Variants in LIMCH1 observed in about 807,000 individuals in gnomAD.
LIMCH1 encodes the protein LIM and calponin homology domains-containing protein 1.
In LIMCH1, 113 loss-of-function variants were observed where a neutral mutation model predicts 176.5. That is an observed-to-expected ratio of 0.64 (90% CI 0.55 to 0.75). The LOEUF is 0.75. Among genes scored for constraint, LIMCH1 ranks in the 30% least tolerant of loss-of-function variants. LIMCH1 has a pLI of 0.00. For missense variants in LIMCH1, 1,674 were observed against 1,814.9 expected, an observed-to-expected ratio of 0.92 and a Z score of 1.41; for synonymous variants, 619 against 645.9, an observed-to-expected ratio of 0.96 and a Z score of 0.63.
chr4:41,490,431 C>A (rs147590445), intron 1 of LIMCH1, among the ~76,000 whole-genome samples: 1 of 152,028 alleles, frequency 6.6e-6, no homozygotes, highest in Admixed American at 6.5e-5. Context: ...CTGCAGCCTT[C>A]GGCCCTGTTT....
At chr4:41,598,417 C>T (rs2089308398) in intron 1 of LIMCH1, among the ~76,000 whole-genome samples, 1 of 151,186 alleles carries the variant, frequency 6.6e-6, no homozygotes, top group African/African-American at 2.4e-5. Flanking sequence ...GTGTATAATC[C>T]ACAAAGAGGT....
At chr4:41,623,132 G>A (rs1312097829) in intron 7 of LIMCH1, among the ~76,000 whole-genome samples, 3 of 152,148 alleles carry the variant, frequency 2.0e-5, no homozygotes, top group Admixed American at 6.5e-5. Context: ...CTTTTAATGT[G>A]GCAGAAAGTA....
intron 1 of LIMCH1, among the ~76,000 whole-genome samples, chr4:41,471,657 G>A (rs545203386): frequency 2.0e-5 from 3 of 152,300 alleles, no homozygotes; most frequent in African/African-American, 4.8e-5. Context: ...GGATTTGGCC[G>A]TGTCCATGTC....
intron 1 of LIMCH1, among the ~76,000 whole-genome samples, chr4:41,574,200 C>G (rs563319364): frequency 1.1e-4 from 15 of 132,382 alleles, no homozygotes; most frequent in African/African-American, 4.3e-4. Context: ...GTGAAGAGGA[C>G]CATCTTGATT....
chr4:41,549,207 C>T (rs2080036292), intron 1 of LIMCH1, among the ~76,000 whole-genome samples: 1 of 152,016 alleles, frequency 6.6e-6, no homozygotes, highest in African/African-American at 2.4e-5. Flanking sequence ...ATATTAACTA[C>T]CATTTATTTA....
intron 1 of LIMCH1, among the ~76,000 whole-genome samples, chr4:41,370,650 C>G (rs2053821451): frequency 6.6e-6 from 1 of 152,170 alleles, no homozygotes; most frequent in African/African-American, 2.4e-5. Flanking sequence ...AAGCCTGATT[C>G]ATTATGCTGT....
intron 4 of LIMCH1, among the ~76,000 whole-genome samples, chr4:41,607,212 A>G (rs570079992): frequency 2.0e-5 from 3 of 152,236 alleles, no homozygotes; most frequent in Non-Finnish European, 2.9e-5. Flanking sequence ...GTTCCTTGCA[A>G]TTTTTCTTTT....
At chr4:41,486,959 TACACACACACACATAC>T (rs1396638450) in intron 1 of LIMCH1, among the ~76,000 whole-genome samples, 378 of 116,036 alleles carry the variant, frequency 3.3e-3, no homozygotes, top group Non-Finnish European at 4.6e-3. Flanking sequence ...TATATATATA[TACACACACACACATAC>T]ATACACACAC....
Position 41,599,071 on chromosome 4 carries a change from T to G in LIMCH1, c.-134+45T>G, listed in dbSNP as rs765036717. 1.4e-5 allele frequency: 16 copies of G among 1,165,764 alleles called. No individual in the cohort carries two copies. The Admixed American group carries it at 2.8e-4, about 20-fold the overall frequency. The allele number at this position is 1,165,764 out of a possible 1,614,324, so 72.2% of individuals were successfully genotyped here. ...TGTTTAAGGGAAACTCCTTTATAGT[T>G]TGATTTGCAATTTTGTGATGATGTT... On this transcript the variant is annotated intron_variant, in intron 2 of 31. Coordinates refer to ENST00000503057, the MANE Select transcript of LIMCH1 (RefSeq NM_001330672.2).
At position 41,395,309 on chromosome 4, in the gene LIMCH1, T is replaced by G. The variant is rs1581478937; in HGVS notation, c.96+34373T>G. On this transcript the variant is annotated intron_variant, in intron 1 of 26. Transcript: ENST00000313860. ...GGGCAGTGGCGCAATCTCGGCTCAC[T>G]GCAACCTCCACCTCCCGGGTTCAAG... 3.4e-5 allele frequency among the ~76,000 whole-genome samples: 5 copies of G among 148,728 alleles called. No homozygotes were observed. In the South Asian group the frequency reaches 1.1e-3, roughly 33 times the overall value.
chr4:41,651,327 A>G (rs1357924582), intron 18 of LIMCH1, among the ~76,000 whole-genome samples: 1 of 152,048 alleles, frequency 6.6e-6, no homozygotes, highest in Non-Finnish European at 1.5e-5. Context: ...TTTTAGAAGA[A>G]CACCAGTCAT....
At position 41,665,233 on chromosome 4, in the gene LIMCH1, A is replaced by G. The variant is rs532855984; in HGVS notation, c.3292-1328A>G. Among the ~76,000 whole-genome samples, 21 of 152,276 alleles carry G rather than the reference A, an allele frequency of 1.4e-4. No homozygotes were observed. In the South Asian group the frequency reaches 4.4e-3, roughly 32 times the overall value. On this transcript the variant is annotated intron_variant, in intron 20 of 31. Transcript: ENST00000503057. ...CATGCTTACAGGCTTACCTTTTTAC[A>G]TAGCGGTCATTTTGATCATTGCTGA...
At chr4:41,530,171 C>A (rs1399911925) in intron 3 of LIMCH1, among the ~76,000 whole-genome samples, 1 of 152,104 alleles carries the variant, frequency 6.6e-6, no homozygotes, top group Non-Finnish European at 1.5e-5. Context: ...GTAGTGATTT[C>A]CACATTATGA....
chr4:41,682,187 A>C, intron 25 of LIMCH1, 146 bp from the exon 26 acceptor site: 2 of 517,242 alleles, frequency 3.9e-6, no homozygotes, highest in Non-Finnish European at 6.8e-6. Flanking sequence ...GTTGGAAATC[A>C]GTTGCTATTC....
intron 2 of LIMCH1, among the ~76,000 whole-genome samples, chr4:41,499,349 T>C (rs2072796917): frequency 6.6e-6 from 1 of 152,228 alleles, no homozygotes; most frequent in Admixed American, 6.5e-5. Context: ...GAATGTAAGA[T>C]GCAAACATCA....
intron 1 of LIMCH1, among the ~76,000 whole-genome samples, chr4:41,401,441 A>G (rs1001790780): frequency 1.4e-4 from 21 of 152,088 alleles, no homozygotes; most frequent in African/African-American, 5.1e-4. Flanking sequence ...GTAGCCTTGT[A>G]GTATGGTTTG....
At chr4:41,477,759 A>G (rs1048082526) in intron 1 of LIMCH1, among the ~76,000 whole-genome samples, 1 of 152,204 alleles carries the variant, frequency 6.6e-6, no homozygotes, top group African/African-American at 2.4e-5. Context: ...CACTGCGGTC[A>G]GTCCCAGCCC....
intron 3 of LIMCH1, 42 bp downstream of exon 3, chr4:41,603,947 A>T (rs1409022101): frequency 6.4e-7 from 1 of 1,555,528 alleles, no homozygotes; most frequent in Non-Finnish European, 8.8e-7. Context: ...TGATGGTTCA[A>T]GTGTAAAATT....
intron 2 of LIMCH1, among the ~76,000 whole-genome samples, chr4:41,515,683 C>T (rs981818129): frequency 2.0e-5 from 3 of 152,206 alleles, no homozygotes; most frequent in Non-Finnish European, 4.4e-5. Context: ...ATGTCAAATG[C>T]GTAAATAACT....
Sources: gnomAD v4.1 joint callset for allele counts (sites outside exome capture counted in the v4.1 genomes callset) on GRCh38, gnomAD v4.1.1 for gene constraint, MANE v1.5 for transcripts, NCBI Gene and HGNC (gene_info 2026-07-23, HGNC 2026-07-21) for gene names.